ZNF654: variants seen among roughly 807,000 people sequenced by gnomAD.
ZNF654 encodes the protein melanoma-associated antigen.
In ZNF654, 19 loss-of-function variants were observed where a neutral mutation model predicts 95.3. The ratio of observed to expected loss-of-function variants is 0.20; its 90% CI spans 0.14 to 0.29. The LOEUF (loss-of-function observed/expected upper bound fraction) is 0.29, where lower values mean the gene tolerates loss of function less well. Ranked by LOEUF, ZNF654 falls within the 10% of genes least tolerant of loss-of-function variation. The pLI is 1.00. For missense variants in ZNF654, 1,046 were observed against 1,341.0 expected (o/e 0.78, Z 3.44); for synonymous variants, 413 against 457.9 (o/e 0.90, Z 1.25).
chr3:88,062,516 T>C (rs1261752494), intron 1 of ZNF654, among the ~76,000 whole-genome samples: 6 of 152,200 alleles, frequency 3.9e-5, no homozygotes, highest in Non-Finnish European at 7.3e-5. Flanking sequence ...AAGCAGACTG[T>C]TATTGTCTGA....
rs573333477 is a variant in ZNF654, at chr3:88,113,479, C to T, written c.414+283C>T. On this transcript the variant is annotated intron_variant, in intron 3 of 8. Transcript: ENST00000636215. Reference sequence around the variant, plus strand: ...CCTAGAACTTAGTCCTGGTGAAAAACGATTCTTCTTTGCCAGACTTGAAGT... The same window carrying T: ...CCTAGAACTTAGTCCTGGTGAAAAATGATTCTTCTTTGCCAGACTTGAAGT... Among the ~76,000 whole-genome samples the T allele has an allele frequency of 3.9e-5, 6 of 152,258 alleles. No individual in the cohort carries two copies. The South Asian group carries it at 1.0e-3, about 26-fold the overall frequency.
chr3:88,106,079 C>T (rs376096559), intron 2 of ZNF654, among the ~76,000 whole-genome samples: 11 of 152,170 alleles, frequency 7.2e-5, no homozygotes, highest in African/African-American at 2.2e-4. Context: ...AACCTGTTGG[C>T]GCTCTGATGA....
At chr3:88,100,813 G>C (rs902592171) in intron 2 of ZNF654, among the ~76,000 whole-genome samples, 24 of 152,222 alleles carry the variant, frequency 1.6e-4, no homozygotes, top group Middle Eastern at 3.4e-3. Flanking sequence ...CCTGTCATGG[G>C]GTGGGGAAAG....
intron 1 of ZNF654, among the ~76,000 whole-genome samples, chr3:88,066,582 A>G (rs919331446): frequency 1.3e-5 from 2 of 152,144 alleles, no homozygotes; most frequent in Non-Finnish European, 2.9e-5. Context: ...AAACAAACAA[A>G]AAAAACAAAA....
chr3:88,092,960 T>C (rs1260794807), intron 2 of ZNF654, among the ~76,000 whole-genome samples: 1 of 152,216 alleles, frequency 6.6e-6, no homozygotes. Context: ...ACTTGAGTGT[T>C]ATTTCAGATG....
At chr3:88,061,108 T>A (rs898266700) in intron 1 of ZNF654, among the ~76,000 whole-genome samples, 2 of 152,166 alleles carry the variant, frequency 1.3e-5, no homozygotes, top group African/African-American at 2.4e-5. Flanking sequence ...GTTTTGTAAC[T>A]ATACCTTTTA....
chr3:88,110,222 T>C (rs1705004762), intron 2 of ZNF654, among the ~76,000 whole-genome samples: 1 of 152,164 alleles, frequency 6.6e-6, no homozygotes, highest in African/African-American at 2.4e-5. Flanking sequence ...AGTAACTTGC[T>C]CAGGGTTACT....
intron 2 of ZNF654, among the ~76,000 whole-genome samples, chr3:88,108,473 T>TA (rs1247859062): frequency 6.6e-6 from 1 of 152,222 alleles, no homozygotes; most frequent in Non-Finnish European, 1.5e-5. Flanking sequence ...TGCGGTTTGT[T>TA]ACCCATAGTC....
At chr3:88,068,065 G>T (rs1203510367) in intron 1 of ZNF654, among the ~76,000 whole-genome samples, 3 of 152,124 alleles carry the variant, frequency 2.0e-5, no homozygotes, top group Non-Finnish European at 4.4e-5. Context: ...TTATATAGGA[G>T]TTTTGTGGTA....
At chr3:88,119,579 C>G (rs1705647818) in intron 3 of ZNF654, among the ~76,000 whole-genome samples, 1 of 151,482 alleles carries the variant, frequency 6.6e-6, no homozygotes, top group Non-Finnish European at 1.5e-5. Flanking sequence ...TTATTGGAGA[C>G]TAACTAGCCC....
intron 2 of ZNF654, among the ~76,000 whole-genome samples, chr3:88,112,008 A>C (rs1198395251): frequency 6.6e-6 from 1 of 151,948 alleles, no homozygotes; most frequent in Non-Finnish European, 1.5e-5. Context: ...TTTTTAACCT[A>C]ACTTCTAGAA....
chr3:88,074,080 C>G (rs1707664640), intron 1 of ZNF654, among the ~76,000 whole-genome samples: 1 of 152,100 alleles, frequency 6.6e-6, no homozygotes, highest in Non-Finnish European at 1.5e-5. Flanking sequence ...AAATAAGAAT[C>G]TACCAGATTT....
At chr3:88,059,860 T>C (rs1706753289) in intron 1 of ZNF654, among the ~76,000 whole-genome samples, 1 of 152,142 alleles carries the variant, frequency 6.6e-6, no homozygotes, top group Admixed American at 6.5e-5. Flanking sequence ...CCCTGGTCTT[T>C]CTCACCTCAT....
rs766787013 is a variant in ZNF654 at position 88,114,113 on chromosome 3, CAG to C, written c.414+919_414+920del. Among the ~76,000 whole-genome samples, 9 of 152,092 alleles carry C rather than the reference CAG, an allele frequency of 5.9e-5. 1 individual carries two copies. In the South Asian group the frequency reaches 8.3e-4, roughly 14 times the overall value. ...CTAAGAAAAACAGTAGTAAGCAAAA[CAG>C]AAAAAATCTTCCTATTGTGGAGTTA... On this transcript the variant is annotated intron_variant, in intron 3 of 8. Transcript: ENST00000636215.
At chr3:88,101,917 A>G (rs1221006237) in intron 2 of ZNF654, among the ~76,000 whole-genome samples, 1 of 152,082 alleles carries the variant, frequency 6.6e-6, no homozygotes, top group African/African-American at 2.4e-5. Context: ...GTCGTTGGTA[A>G]GCATCTTTTT....
intron 7 of ZNF654, 157 bp downstream of exon 7, chr3:88,135,359 C>G: frequency 2.1e-6 from 1 of 478,168 alleles, no homozygotes; most frequent in Non-Finnish European, 3.4e-6. Context: ...TGCCCTAACT[C>G]CAAACTCTCA....
intron 3 of ZNF654, among the ~76,000 whole-genome samples, chr3:88,119,320 G>A (rs1705613724): frequency 9.5e-5 from 13 of 136,176 alleles, no homozygotes; most frequent in Admixed American, 1.5e-4. Context: ...TCACTCATAG[G>A]TGGGAATTGA....
intron 1 of ZNF654, among the ~76,000 whole-genome samples, chr3:88,071,886 C>G (rs1707536204): frequency 6.6e-6 from 1 of 152,184 alleles, no homozygotes; most frequent in African/African-American, 2.4e-5. Context: ...TTTTTATCTT[C>G]TCTCTTATAT....
intron 2 of ZNF654, among the ~76,000 whole-genome samples, chr3:88,087,484 G>C (rs1708397318): frequency 6.6e-6 from 1 of 152,114 alleles, no homozygotes; most frequent in African/African-American, 2.4e-5. Context: ...TAAAATTATA[G>C]TAAAGAAGTA....
Sources: allele counts gnomAD v4.1 joint callset (sites outside exome capture counted in the v4.1 genomes callset), GRCh38; gene constraint gnomAD v4.1.1; transcripts MANE v1.5; gene names NCBI Gene and HGNC (gene_info 2026-07-23, HGNC 2026-07-21).